CLK2: variants seen among roughly 807,000 people sequenced by gnomAD.
The protein encoded by CLK2 is CDC like kinase 2, also known as dual specificity protein kinase CLK2.
A neutral mutation model predicts 73.5 loss-of-function variants in CLK2; 12 were observed. That is an observed-to-expected ratio of 0.16 (90% CI 0.10 to 0.26). The LOEUF is 0.26. Among genes scored for constraint, CLK2 ranks in the 10% least tolerant of loss-of-function variants. The pLI, the probability that CLK2 is intolerant of heterozygous loss-of-function variation, is 1.00. For synonymous variants in CLK2, 232 were observed against 237.9 expected (o/e 0.98, Z 0.23); for missense variants, 509 against 688.4 (o/e 0.74, Z 2.92).
In CLK2 at chr1:155,269,476, G is replaced by A. The variant is rs1186621567; in HGVS notation, c.399+12C>T. 15 of 1,611,364 alleles carry A rather than the reference G, an allele frequency of 9.3e-6. No individual in the cohort carries two copies. The highest frequency in any genetic ancestry group is 1.3e-5 in the Non-Finnish European group (15 of 1,178,456). On this transcript the variant is annotated intron_variant, in intron 3 of 12. Transcript: ENST00000368361. ...AAGAGTGGGGAGAGGAAGGGCCTGG[G>A]CTGGCACTCACCGAAGATGAGCGGC... is the stretch of plus-strand genomic sequence containing the variant.
Position 155,270,924 on chromosome 1 carries a change from G to A in CLK2, c.54C>T (p.Tyr18=), listed in dbSNP as rs556413837. The change falls in exon 2 of 13, where the codon TAC becomes TAT. Residue 18 remains tyrosine (Y), a synonymous_variant. Transcript: ENST00000368361. ...GCTTTCGGCTCCGATAGTGTTCACG[G>A]TAACTCCCCCGGCTGCCTCGCTCTG... is the stretch of plus-strand genomic sequence containing the variant. ...HSSERGSRGS[Y]REHYRSRKHK... is the part of the protein sequence containing the mutation. 5.6e-6 allele frequency: 9 copies of A among 1,614,170 alleles called. No homozygotes were observed. The South Asian group carries it at 8.8e-5, about 16-fold the overall frequency.
In CLK2 at chr1:155,268,581, A is replaced by T; in HGVS notation, c.487+127T>A. 1.0e-6 allele frequency: 1 copy of T among 960,546 alleles called. No homozygotes were observed. 59.5% of individuals were successfully genotyped at this position (960,546 alleles called of 1,614,324 possible). The stretch of plus-strand genomic sequence containing the variant: ...CAACAGAGGTCAATTCTCAACAGCA[A>T]CTCAAACCACCCAGATAAACAACAC... On this transcript the variant is annotated intron_variant, in intron 4 of 12. Transcript: ENST00000368361. This position sits in a 1 kb window ranked among gnomAD's most constrained non-coding sequence, Gnocchi z 5.6.
rs937909218 is a variant in CLK2, at chr1:155,263,997, T to C, written c.1270A>G (p.Asn424Asp). Residue 424 changes from asparagine (N) to aspartate (D), a missense_variant, in exon 12 of 13, where the codon AAC (asparagine) becomes GAC (aspartate). By Grantham distance (23) the Asn-to-Asp change is conservative (BLOSUM62 1). Coordinates refer to ENST00000368361, the MANE Select transcript of CLK2 (RefSeq NM_001294338.2). The stretch of plus-strand genomic sequence containing the variant: ...CGAACATAGCGCCCAGCTGATGTGT[T>C]CTCATCCCAATCCAGGCGACCCCGG... Reference protein sequence around the residue: ...FYRGRLDWDENTSAGRYVREN... With the variant: ...FYRGRLDWDEDTSAGRYVREN... The C allele has an allele frequency of 1.2e-6, 2 of 1,614,186 alleles. No individual in the cohort carries two copies. Among genetic ancestry groups the C allele is most frequent in the Non-Finnish European group, 1.7e-6 (2 of 1,180,046 alleles).
chr1:155,269,723 G>C lies in CLK2; in HGVS notation c.171-7C>G. ...CGAACGATCATCATAACTGCTGTTG[G>C]ATAACAAATACCAATGAGGTGTATC... On this transcript the variant is annotated splice_region_variant and splice_polypyrimidine_tract_variant and intron_variant, in intron 2 of 12. Transcript: ENST00000368361. 3 of 1,612,368 alleles carry C rather than the reference G, an allele frequency of 1.9e-6. No homozygotes were observed. Among genetic ancestry groups the C allele is most frequent in the Non-Finnish European group, 2.5e-6 (3 of 1,178,404 alleles).
chr1:155,265,999 G>C, intron 7 of CLK2, 45 bp from the exon 8 acceptor site: 2 of 1,353,784 alleles, frequency 1.5e-6, no homozygotes, highest in Non-Finnish European at 2.1e-6. Flanking sequence ...GGTGGCCAGA[G>C]CTAACTGGTA....
At chr1:155,271,038 G>A in intron 1 of CLK2, 61 bp from the exon 2 acceptor site, 1 of 1,541,320 alleles carries the variant, frequency 6.5e-7, no homozygotes, top group East Asian at 2.3e-5. Context: ...CTCCTCCAAG[G>A]ACTGGCTGCT....
chr1:155,264,434 G>A lies in CLK2; in HGVS notation c.1146+34C>T, dbSNP rs1340050583. On this transcript the variant is annotated intron_variant, in intron 10 of 12. Transcript: ENST00000368361. ...AAACAAAGGAACCAGGTAGAAGAAT[G>A]CCAGGCAGTCAAGTAAGACATCCCA... 5 of 1,609,536 alleles carry A rather than the reference G, an allele frequency of 3.1e-6. No individual in the cohort carries two copies. The South Asian group carries it at 5.5e-5, about 18-fold the overall frequency.
rs1338183763 is a variant in CLK2, at chr1:155,268,919, G to C, written c.400-124C>G. The C allele has an allele frequency of 1.5e-6, 1 of 677,922 alleles. No homozygotes were observed. Among genetic ancestry groups the C allele is most frequent in the Non-Finnish European group, 2.7e-6 (1 of 372,752 alleles). The allele number at this position is 677,922 out of a possible 1,614,324, so 42.0% of individuals were successfully genotyped here. ...CAGCCAGGGGGGACAGACGATGATGGGGGACAGTGGAAGGGAACACGTCAG... is the reference window on the plus strand; with the variant it reads ...CAGCCAGGGGGGACAGACGATGATGCGGGACAGTGGAAGGGAACACGTCAG... On this transcript the variant is annotated intron_variant, in intron 3 of 12. Coordinates refer to ENST00000368361, the MANE Select transcript of CLK2 (RefSeq NM_001294338.2). This position sits in a 1 kb window ranked among gnomAD's most constrained non-coding sequence, Gnocchi z 5.6.
chr1:155,264,369 C>T, intron 10 of CLK2, 69 bp from the exon 11 acceptor site: 2 of 1,605,182 alleles, frequency 1.2e-6, no homozygotes, highest in Non-Finnish European at 1.7e-6. Context: ...GCCAGGAAGG[C>T]AGGCAATGTG....
In CLK2 at chr1:155,268,051, G is replaced by T; in HGVS notation, c.630C>A (p.Asn210Lys). 2.5e-6 allele frequency: 4 copies of T among 1,613,974 alleles called. No individual in the cohort carries two copies. Among genetic ancestry groups the T allele is most frequent in the Non-Finnish European group, 2.5e-6 (3 of 1,179,922 alleles). Residue 210 changes from asparagine to lysine, a missense_variant, in exon 6 of 13, where the codon AAC (asparagine) becomes AAA (lysine). Around this residue, in one of 6 missense-constraint regions of CLK2, gnomAD observed 76 missense variants for 126.4 expected, o/e 0.60. Transcript: ENST00000368361. This position sits in a 1 kb window ranked among gnomAD's most constrained non-coding sequence, Gnocchi z 5.6. ...CTTTCTCATTGATTTTCTCTAGCAC[G>T]TTGATCTCAAGTCGAGCTGCTTCCT... ...KYKEAARLEI[N>K]VLEKINEKDP...
chr1:155,270,700 C>T, intron 2 of CLK2, 108 bp downstream of exon 2: 2 of 1,256,122 alleles, frequency 1.6e-6, no homozygotes, highest in East Asian at 2.3e-5. Context: ...ACATTACCTT[C>T]AGCCAGCTAC....
At chr1:155,270,780 G>A (rs1433777281) in intron 2 of CLK2, 28 bp downstream of exon 2, 4 of 1,592,656 alleles carry the variant, frequency 2.5e-6, no homozygotes, top group Admixed American at 1.7e-5. Context: ...GTGACCCTGT[G>A]TTTGAGTATC....
chr1:155,270,042 AC>A (rs1211252376), intron 2 of CLK2, among the ~76,000 whole-genome samples: 2 of 151,914 alleles, frequency 1.3e-5, no homozygotes, highest in African/African-American at 4.8e-5. Flanking sequence ...ACCATCCTTA[AC>A]CCATTCTTTC....
chr1:155,268,194 G>T lies in CLK2; in HGVS notation c.555-68C>A. The T allele has an allele frequency of 6.4e-7, 1 of 1,556,168 alleles. No individual in the cohort carries two copies. Among genetic ancestry groups the T allele is most frequent in the African/African-American group, 1.4e-5 (1 of 73,750 alleles). The stretch of plus-strand genomic sequence containing the variant: ...GTCTCAAAATGAACAGGGCTGTAGG[G>T]GGACTAAGAAATTCTACCTCAGGTT... On this transcript the variant is annotated intron_variant, in intron 5 of 12. Transcript: ENST00000368361. This position sits in a 1 kb window ranked among gnomAD's most constrained non-coding sequence, Gnocchi z 5.6.
intron 6 of CLK2, among the ~76,000 whole-genome samples, chr1:155,267,239 TCCA>T (rs1235287377): frequency 2.0e-5 from 3 of 152,056 alleles, no homozygotes; most frequent in Non-Finnish European, 4.4e-5. Flanking sequence ...ACTACAGTTG[TCCA>T]CCACCATGCC....
intron 12 of CLK2, 52 bp from the exon 13 acceptor site, chr1:155,263,452 C>A: frequency 6.2e-7 from 1 of 1,602,782 alleles, no homozygotes; most frequent in Non-Finnish European, 8.5e-7. Context: ...ACAAACCCTG[C>A]CTTCTTCAAG....
At chr1:155,271,098 G>A in intron 1 of CLK2, 121 bp from the exon 2 acceptor site, 1 of 983,748 alleles carries the variant, frequency 1.0e-6, no homozygotes, top group Non-Finnish European at 1.5e-6. Flanking sequence ...CTTTTTACCA[G>A]GCACAACTTC....
chr1:155,269,413 G>T, intron 3 of CLK2, 75 bp downstream of exon 3: 1 of 1,308,838 alleles, frequency 7.6e-7, no homozygotes, highest in South Asian at 1.2e-5. Context: ...TGAGAACAAG[G>T]ATACTGCTCA....
chr1:155,272,983 C>T (rs1005173214), intron 1 of CLK2, among the ~76,000 whole-genome samples: 2 of 152,162 alleles, frequency 1.3e-5, no homozygotes, highest in African/African-American at 4.8e-5. Context: ...TCTATCATCC[C>T]TTCTAGTCTG....
Sources: gnomAD v4.1 joint callset for allele counts (sites outside exome capture counted in the v4.1 genomes callset) on GRCh38, gnomAD v4.1.1 for gene constraint, gnomAD v4.1.1 regional missense constraint, Gnocchi (gnomAD v3.1) non-coding constraint, MANE v1.5 for transcripts, NCBI Gene and HGNC (gene_info 2026-07-23, HGNC 2026-07-21) for gene names.